Variants in LINGO2 observed in about 807,000 individuals in gnomAD.
LINGO2 encodes leucine-rich repeat and immunoglobulin-like domain-containing nogo receptor-interacting protein 2.
LINGO2 carries 14 observed loss-of-function variants against 30.6 expected under a neutral mutation model. That is an observed-to-expected ratio of 0.46 (90% confidence interval 0.30 to 0.72). LINGO2 has a LOEUF of 0.72. Among genes scored for constraint, LINGO2 ranks in the 30% least tolerant of loss-of-function variants. The probability of loss-of-function intolerance (pLI) is 0.07; values close to 1 mark genes in which losing one functional copy is unlikely to be tolerated. For synonymous variants in LINGO2, 317 were observed against 288.5 expected (o/e 1.10, Z -1.00); for missense variants, 729 against 751.7 (o/e 0.97, Z 0.35).
chr9:28,443,199 G>A (rs1824268653), intron 2 of LINGO2, among the ~76,000 whole-genome samples: 2 of 152,186 alleles, frequency 1.3e-5, no homozygotes, highest in South Asian at 4.1e-4. Flanking sequence ...TAAAGGTTCT[G>A]GCTGGGTAAA....
the LINGO2 span, among the ~76,000 whole-genome samples, chr9:29,144,809 A>G: frequency 6.6e-6 from 1 of 152,188 alleles, no homozygotes; most frequent in African/African-American, 2.4e-5. Context: ...TCTACCACCA[A>G]GATACTACTA....
the LINGO2 span, among the ~76,000 whole-genome samples, chr9:29,040,827 A>G: frequency 6.6e-6 from 1 of 152,002 alleles, no homozygotes; most frequent in Non-Finnish European, 1.5e-5. Flanking sequence ...ATAGAGCCAT[A>G]TGGGTAATCA....
chr9:28,104,050 GA>G (rs1365614940), intron 4 of LINGO2, among the ~76,000 whole-genome samples: 2 of 151,570 alleles, frequency 1.3e-5, no homozygotes, highest in African/African-American at 2.4e-5. Flanking sequence ...TTTAAAGGGG[GA>G]AAAAAACTCC....
intron 1 of LINGO2, among the ~76,000 whole-genome samples, chr9:28,654,514 C>A (rs1828251170): frequency 6.6e-6 from 1 of 151,940 alleles, no homozygotes; most frequent in South Asian, 2.1e-4. Flanking sequence ...AATTTTACCT[C>A]AACTTTATTC....
intron 4 of LINGO2, among the ~76,000 whole-genome samples, chr9:28,219,591 G>A (rs903445866): frequency 6.6e-6 from 1 of 152,078 alleles, no homozygotes; most frequent in Non-Finnish European, 1.5e-5. Context: ...ATTATATTAA[G>A]GTTCTGTTTT....
the LINGO2 span, among the ~76,000 whole-genome samples, chr9:28,951,754 G>A: frequency 1.1e-4 from 17 of 152,092 alleles, no homozygotes; most frequent in African/African-American, 4.1e-4. Context: ...CCCTAAGGGT[G>A]GAGGTGCTTC....
At chr9:29,033,409 A>G in the LINGO2 span, among the ~76,000 whole-genome samples, 7 of 129,158 alleles carry the variant, frequency 5.4e-5, no homozygotes, top group Non-Finnish European at 1.0e-4. Context: ...TCTCTTCTAT[A>G]TAAAACTGCT....
the LINGO2 span, among the ~76,000 whole-genome samples, chr9:29,164,427 A>G: frequency 6.6e-6 from 1 of 152,166 alleles, no homozygotes; most frequent in Non-Finnish European, 1.5e-5. Context: ...ATAAATATGA[A>G]TTGGTGTTTG....
intron 1 of LINGO2, among the ~76,000 whole-genome samples, chr9:28,550,319 G>C (rs1258029189): frequency 6.6e-6 from 1 of 151,276 alleles, no homozygotes; most frequent in Non-Finnish European, 1.5e-5. Context: ...CTTTTTGTTG[G>C]TGCTGCATCC....
the LINGO2 span, among the ~76,000 whole-genome samples, chr9:29,166,753 C>T: frequency 6.6e-6 from 1 of 152,078 alleles, no homozygotes; most frequent in East Asian, 1.9e-4. Context: ...ATTTGTTGAA[C>T]TCTTAAAAAT....
At chr9:29,031,086 C>G in the LINGO2 span, among the ~76,000 whole-genome samples, 2 of 152,100 alleles carry the variant, frequency 1.3e-5, no homozygotes, top group East Asian at 3.9e-4. Context: ...AACCATGAAT[C>G]CTGGTTGTCA....
At chr9:27,998,566 G>T (rs1821783915) in intron 5 of LINGO2, among the ~76,000 whole-genome samples, 1 of 152,204 alleles carries the variant, frequency 6.6e-6, no homozygotes, top group African/African-American at 2.4e-5. Flanking sequence ...ATCACCTGAG[G>T]CCAGGAATTC....
intron 1 of LINGO2, among the ~76,000 whole-genome samples, chr9:28,567,785 C>T (rs1823459486): frequency 6.9e-6 from 1 of 145,648 alleles, no homozygotes; most frequent in African/African-American, 2.6e-5. Context: ...ACATGTACTT[C>T]CTGAATCTAA....
chr9:28,369,345 C>T (rs1217375119), intron 3 of LINGO2, among the ~76,000 whole-genome samples: 1 of 152,058 alleles, frequency 6.6e-6, no homozygotes, highest in African/African-American at 2.4e-5. Context: ...CATTATTTAT[C>T]CTTTATTCTT....
At chr9:28,451,934 T>C (rs549228914) in intron 2 of LINGO2, among the ~76,000 whole-genome samples, 2 of 151,860 alleles carry the variant, frequency 1.3e-5, no homozygotes, top group East Asian at 1.9e-4. Flanking sequence ...TTAGTGTATA[T>C]TATTTTTAAA....
At chr9:28,307,053 G>A (rs887180913) in intron 3 of LINGO2, among the ~76,000 whole-genome samples, 3 of 152,070 alleles carry the variant, frequency 2.0e-5, no homozygotes, top group Non-Finnish European at 4.4e-5. Context: ...AATAGAAAAA[G>A]AGGGAATCCT....
chr9:28,713,011 G>T, the LINGO2 span, among the ~76,000 whole-genome samples: 3 of 151,918 alleles, frequency 2.0e-5, no homozygotes, highest in Non-Finnish European at 4.4e-5. Flanking sequence ...GATTACAAGT[G>T]CTTGTCACCA....
the LINGO2 span, among the ~76,000 whole-genome samples, chr9:29,213,292 T>C: frequency 1.8e-4 from 27 of 151,922 alleles, no homozygotes; most frequent in Middle Eastern, 6.9e-3. Flanking sequence ...ATAATGCCCC[T>C]CCCCCCTTTC....
the LINGO2 span, among the ~76,000 whole-genome samples, chr9:28,773,094 G>A: frequency 1.3e-5 from 2 of 152,046 alleles, no homozygotes; most frequent in Non-Finnish European, 2.9e-5. Context: ...GGCCGGGCGC[G>A]GTGGCTCACA....
Sources: gnomAD v4.1 joint callset for allele counts (sites outside exome capture counted in the v4.1 genomes callset) on GRCh38, gnomAD v4.1.1 for gene constraint, MANE v1.5 for transcripts, NCBI Gene and HGNC (gene_info 2026-07-23, HGNC 2026-07-21) for gene names.